Variants in LIN9 observed in about 807,000 individuals in gnomAD.
LIN9 encodes lin-9 DREAM MuvB core complex component.
A neutral mutation model predicts 78.0 loss-of-function variants in LIN9; 18 were observed. The ratio of observed to expected loss-of-function variants is 0.23; its 90% CI spans 0.16 to 0.34. LIN9 has a LOEUF of 0.34. Ranked by LOEUF, LIN9 falls within the 10% of genes least tolerant of loss-of-function variation. LIN9 has a pLI of 1.00. For synonymous variants in LIN9, 192 were observed against 215.2 expected (o/e 0.89, Z 0.94); for missense variants, 451 against 644.1 (o/e 0.70, Z 3.25).
At position 226,252,306 on chromosome 1, in the gene LIN9, AAATAAATAAATAAATG is replaced by A. The variant is rs1448343719; in HGVS notation, c.1039-1403_1039-1388del. ...AAAATAAATAAATAAATAAATAAAT[AAATAAATAAATAAATG>A]AATGAATGAATGAATGTCTCCTATC... On this transcript the variant is annotated intron_variant, in intron 10 of 14. Transcript: ENST00000681046. Among the ~76,000 whole-genome samples the A allele has an allele frequency of 3.3e-5, 5 of 150,370 alleles. No homozygotes were observed. In the South Asian group the frequency reaches 1.1e-3, roughly 32 times the overall value.
At chr1:226,297,362 C>CT (rs929383767) in intron 3 of LIN9, among the ~76,000 whole-genome samples, 68 of 151,652 alleles carry the variant, frequency 4.5e-4, no homozygotes, top group African/African-American at 1.6e-3. Context: ...ACAATGATTT[C>CT]TTTTTTTTTC....
Position 226,265,364 on chromosome 1 carries a change from G to C in LIN9, c.1038+169C>G, listed in dbSNP as rs528095869. Among the ~76,000 whole-genome samples the C allele has an allele frequency of 6.6e-6, 1 of 152,292 alleles. No individual in the cohort carries two copies. The highest frequency in any genetic ancestry group is 1.9e-4 in the East Asian group (1 of 5,186). On this transcript the variant is annotated intron_variant, in intron 10 of 14. Coordinates refer to ENST00000681046, the MANE Select transcript of LIN9 (RefSeq NM_001366245.2). This position sits in a 1 kb window ranked among gnomAD's most constrained non-coding sequence, Gnocchi z 4.1. The stretch of plus-strand genomic sequence containing the variant: ...AAAGCTCAAGAAGAAAGATCTTTAA[G>C]TCTTTTTTGGTTTTTATAACTTTTA...
chr1:226,248,348 G>A (rs1658615773), intron 11 of LIN9, among the ~76,000 whole-genome samples: 1 of 152,086 alleles, frequency 6.6e-6, no homozygotes, highest in African/African-American at 2.4e-5. Flanking sequence ...TTAAAAACAT[G>A]CCAGAAAAAA....
At chr1:226,281,592 C>T (rs1161703194) in intron 6 of LIN9, among the ~76,000 whole-genome samples, 1 of 151,886 alleles carries the variant, frequency 6.6e-6, no homozygotes, top group Non-Finnish European at 1.5e-5. Context: ...AAAATATGTA[C>T]AACTATTATA....
At chr1:226,232,747 A>G (rs1011785731) in intron 14 of LIN9, 141 bp from the exon 15 acceptor site, 5 of 542,522 alleles carry the variant, frequency 9.2e-6, no homozygotes, top group South Asian at 5.7e-5. Flanking sequence ...TATATTAGCC[A>G]TAATTCTACT....
chr1:226,290,651 T>C (rs1661718103), intron 4 of LIN9, among the ~76,000 whole-genome samples: 2 of 152,102 alleles, frequency 1.3e-5, no homozygotes, highest in South Asian at 4.1e-4. Context: ...AGGCTATTTC[T>C]ATATATCAGA....
At chr1:226,260,434 G>A (rs1186775978) in intron 10 of LIN9, among the ~76,000 whole-genome samples, 1 of 152,084 alleles carries the variant, frequency 6.6e-6, no homozygotes, top group Non-Finnish European at 1.5e-5. Context: ...GCTACTGGGA[G>A]GCTGAAGTGG....
chr1:226,267,099 G>A (rs1484812853), intron 8 of LIN9, among the ~76,000 whole-genome samples: 1 of 151,604 alleles, frequency 6.6e-6, no homozygotes, highest in African/African-American at 2.4e-5. Flanking sequence ...TTTTTGAAAG[G>A]AGAGTTTAAA....
At chr1:226,256,928 C>A (rs953686101) in intron 10 of LIN9, among the ~76,000 whole-genome samples, 1 of 151,634 alleles carries the variant, frequency 6.6e-6, no homozygotes, top group Non-Finnish European at 1.5e-5. Context: ...AAATCTGTCG[C>A]CAGTAGGACT....
intron 14 of LIN9, chr1:226,232,871 A>C: frequency 2.0e-6 from 1 of 496,386 alleles, no homozygotes; most frequent in South Asian, 3.5e-5. Context: ...CTCAACCTCC[A>C]TGCTGACCCC....
chr1:226,260,525 T>C (rs1659497189), intron 10 of LIN9, among the ~76,000 whole-genome samples: 1 of 150,178 alleles, frequency 6.7e-6, no homozygotes, highest in African/African-American at 2.4e-5. Flanking sequence ...AAAAAAACTA[T>C]AGATCAGTAT....
chr1:226,302,460 G>C (rs536735138), intron 1 of LIN9, among the ~76,000 whole-genome samples: 1 of 151,464 alleles, frequency 6.6e-6, no homozygotes, highest in Non-Finnish European at 1.5e-5. Flanking sequence ...GGAGAATGGC[G>C]TGAGCCCACA....
At chr1:226,259,488 T>C (rs189405107) in intron 10 of LIN9, among the ~76,000 whole-genome samples, 57 of 152,226 alleles carry the variant, frequency 3.7e-4, no homozygotes, top group African/African-American at 1.2e-3. Context: ...CCAACAACCA[T>C]AGAATATACT....
At chr1:226,243,214 C>T (rs1658228694) in intron 11 of LIN9, among the ~76,000 whole-genome samples, 1 of 152,074 alleles carries the variant, frequency 6.6e-6, no homozygotes, top group Non-Finnish European at 1.5e-5. Context: ...AATTAAAATA[C>T]AAAAAGATGC....
chr1:226,300,557 T>C (rs926729160), intron 2 of LIN9, among the ~76,000 whole-genome samples: 3 of 151,504 alleles, frequency 2.0e-5, no homozygotes, highest in Non-Finnish European at 2.9e-5. Context: ...TCTCAAAAAA[T>C]AAATAAACAA....
At chr1:226,283,848 G>A (rs1170555444) in intron 6 of LIN9, among the ~76,000 whole-genome samples, 1 of 152,002 alleles carries the variant, frequency 6.6e-6, no homozygotes, top group Non-Finnish European at 1.5e-5. Flanking sequence ...CTCTACTCAG[G>A]AGGCTGAGGT....
Position 226,232,454 on chromosome 1 carries a change from C to G in LIN9, c.*47G>C, listed in dbSNP as rs376836901. ...TGGAAGCCTATATAAAGGAAAAGAACTTCTCAAAAACAATGTCCCGTGCAG... is the reference window on the plus strand; with the variant it reads ...TGGAAGCCTATATAAAGGAAAAGAAGTTCTCAAAAACAATGTCCCGTGCAG... On this transcript the variant is annotated 3_prime_UTR_variant, in exon 15 of 15. Transcript: ENST00000681046. 28 of 1,285,594 alleles carry G rather than the reference C, an allele frequency of 2.2e-5. No individual in the cohort carries two copies. Among genetic ancestry groups the G allele is most frequent in the Non-Finnish European group, 2.9e-5 (26 of 898,868 alleles). 79.6% of individuals were successfully genotyped at this position (1,285,594 alleles called of 1,614,324 possible). A position where few individuals can be genotyped will look rare whatever the true frequency, so the allele number is the denominator to read the frequency against.
chr1:226,308,418 C>T (rs1658700222), intron 1 of LIN9, among the ~76,000 whole-genome samples: 1 of 152,102 alleles, frequency 6.6e-6, no homozygotes, highest in Non-Finnish European at 1.5e-5. Flanking sequence ...TCTTAAGACA[C>T]ATATAGAATA....
At chr1:226,271,764 T>G (rs1365959753) in intron 7 of LIN9, among the ~76,000 whole-genome samples, 1 of 152,222 alleles carries the variant, frequency 6.6e-6, no homozygotes, top group East Asian at 1.9e-4. Context: ...TTTTGAAGCT[T>G]TATTGTTAGG....
Sources: gnomAD v4.1 joint callset for allele counts (sites outside exome capture counted in the v4.1 genomes callset) on GRCh38, gnomAD v4.1.1 for gene constraint, Gnocchi (gnomAD v3.1) non-coding constraint, MANE v1.5 for transcripts, NCBI Gene and HGNC (gene_info 2026-07-23, HGNC 2026-07-21) for gene names.